MAGI2: variants seen among roughly 807,000 people sequenced by gnomAD.
MAGI2 encodes the protein membrane associated guanylate kinase, WW and PDZ domain containing 2, also known as membrane-associated guanylate kinase, WW and PDZ domain-containing protein 2.
MAGI2 carries 35 observed loss-of-function variants against 133.3 expected under a neutral mutation model. That is an observed-to-expected ratio of 0.26 (90% CI 0.20 to 0.35). The LOEUF is 0.35. MAGI2 is among the 10% of genes least tolerant of loss of function. The pLI, the probability that MAGI2 is intolerant of heterozygous loss-of-function variation, is 1.00. For synonymous variants in MAGI2, 729 were observed against 710.6 expected (o/e 1.03, Z -0.41); for missense variants, 1,636 against 1,863.4 (o/e 0.88, Z 2.25).
At chr7:79,073,010 G>C (rs1815129622) in intron 1 of MAGI2, among the ~76,000 whole-genome samples, 1 of 151,908 alleles carries the variant, frequency 6.6e-6, no homozygotes, top group Admixed American at 6.6e-5. Context: ...TTTTCTGTAG[G>C]AGAGTCAAAA....
chr7:78,834,387 C>G (rs886811796), intron 2 of MAGI2, among the ~76,000 whole-genome samples: 7 of 152,190 alleles, frequency 4.6e-5, no homozygotes, highest in Admixed American at 1.3e-4. Flanking sequence ...TATGCAACTA[C>G]TAAGCCACTT....
At chr7:78,039,787 G>T (rs947610040) in intron 21 of MAGI2, among the ~76,000 whole-genome samples, 5 of 152,222 alleles carry the variant, frequency 3.3e-5, no homozygotes, top group Non-Finnish European at 7.3e-5. Context: ...GTTGACAAAG[G>T]GTAGAGTGAT....
At chr7:78,566,129 A>C (rs1800918231) in intron 3 of MAGI2, among the ~76,000 whole-genome samples, 1 of 152,190 alleles carries the variant, frequency 6.6e-6, no homozygotes, top group Non-Finnish European at 1.5e-5. Context: ...CGTTGATGAC[A>C]TCTCTTGGAA....
intron 2 of MAGI2, among the ~76,000 whole-genome samples, chr7:78,698,533 G>C (rs544157812): frequency 6.6e-6 from 1 of 151,978 alleles, no homozygotes; most frequent in Non-Finnish European, 1.5e-5. Flanking sequence ...CTTATGTGTC[G>C]GTACGTTTAA....
intron 3 of MAGI2, among the ~76,000 whole-genome samples, chr7:78,527,708 C>G (rs1024455713): frequency 1.3e-5 from 2 of 152,090 alleles, no homozygotes; most frequent in Non-Finnish European, 2.9e-5. Context: ...ACTTCCAACA[C>G]CTTTTTTCTT....
chr7:79,443,595 C>G (rs1358530518), intron 1 of MAGI2, among the ~76,000 whole-genome samples: 1 of 152,076 alleles, frequency 6.6e-6, no homozygotes. Context: ...ACAAAATACT[C>G]ATATAAGCAA....
At chr7:78,740,801 A>G (rs1456986078) in intron 2 of MAGI2, among the ~76,000 whole-genome samples, 1 of 152,238 alleles carries the variant, frequency 6.6e-6, no homozygotes, top group Non-Finnish European at 1.5e-5. Context: ...GGATATGTGA[A>G]AGCAAACAAA....
intron 1 of MAGI2, among the ~76,000 whole-genome samples, chr7:79,240,654 A>C (rs1218153174): frequency 6.6e-6 from 1 of 152,208 alleles, no homozygotes; most frequent in Non-Finnish European, 1.5e-5. Flanking sequence ...CTTCCAACTT[A>C]TGATTTCAAG....
At chr7:78,608,459 A>ATG (rs10649002) in intron 3 of MAGI2, among the ~76,000 whole-genome samples, 271 of 147,188 alleles carry the variant, frequency 1.8e-3, no homozygotes, top group African/African-American at 6.2e-3. Context: ...GTATATATAT[A>ATG]TGTGTGTGTA....
chr7:78,299,447 C>T (rs1390571685), intron 9 of MAGI2, among the ~76,000 whole-genome samples: 1 of 150,704 alleles, frequency 6.6e-6, no homozygotes, highest in African/African-American at 2.4e-5. Flanking sequence ...GCTTATGATA[C>T]AAAGCTTAGT....
chr7:78,310,230 A>G (rs994739012), intron 9 of MAGI2, among the ~76,000 whole-genome samples: 1 of 151,764 alleles, frequency 6.6e-6, no homozygotes, highest in African/African-American at 2.4e-5. Flanking sequence ...AGGTCAAGAG[A>G]TCGAGATCAT....
At chr7:78,355,298 G>A (rs1445520743) in intron 7 of MAGI2, among the ~76,000 whole-genome samples, 3 of 152,168 alleles carry the variant, frequency 2.0e-5, no homozygotes, top group African/African-American at 7.2e-5. Context: ...TATTTCTGAA[G>A]AAAATTCCAT....
chr7:78,659,318 G>C (rs1392039450), intron 2 of MAGI2, among the ~76,000 whole-genome samples: 2 of 149,782 alleles, frequency 1.3e-5, no homozygotes, highest in Non-Finnish European at 3.0e-5. Flanking sequence ...GGGTGTGGTG[G>C]TGTGCACTTG....
chr7:78,857,441 T>C (rs560348482), intron 2 of MAGI2, among the ~76,000 whole-genome samples: 18 of 152,204 alleles, frequency 1.2e-4, no homozygotes, highest in Non-Finnish European at 2.2e-4. Context: ...ATACCTAATT[T>C]ATTGAGAGTT....
At chr7:78,352,317 G>T (rs1791603270) in intron 7 of MAGI2, among the ~76,000 whole-genome samples, 1 of 152,134 alleles carries the variant, frequency 6.6e-6, no homozygotes, top group South Asian at 2.1e-4. Flanking sequence ...TTGAAATGCT[G>T]AATTTTAGAA....
chr7:78,065,296 G>A (rs1813700937), intron 21 of MAGI2, among the ~76,000 whole-genome samples: 1 of 152,188 alleles, frequency 6.6e-6, no homozygotes, highest in Non-Finnish European at 1.5e-5. Context: ...TATGTGGGGT[G>A]GAACGCGGCC....
At position 79,209,835 on chromosome 7, in the gene MAGI2, C is replaced by G. The variant is rs1312152484; in HGVS notation, c.302-202629G>C. 2.6e-5 allele frequency among the ~76,000 whole-genome samples: 4 copies of G among 152,050 alleles called. No individual in the cohort carries two copies. The East Asian group carries it at 5.8e-4, about 22-fold the overall frequency. On this transcript the variant is annotated intron_variant, in intron 1 of 21. Coordinates refer to ENST00000354212, the MANE Select transcript of MAGI2 (RefSeq NM_012301.4). The stretch of plus-strand genomic sequence containing the variant: ...CTCTATAAGACTGTTAGCCTTTTGA[C>G]TTCATGAACTATGTCAGATTCATTC...
At position 78,684,819 on chromosome 7, in the gene MAGI2, T is replaced by C. The variant is rs144298632; in HGVS notation, c.419-57580A>G. On this transcript the variant is annotated intron_variant, in intron 2 of 21. Transcript: ENST00000354212. ...ACTAACATTCACTATGTTCCACACG[T>C]ATACAAAATTATTCAGAAATTCTAC... Among the ~76,000 whole-genome samples, 615 of 152,314 alleles carry C rather than the reference T, an allele frequency of 4.0e-3. 4 individuals carry two copies. The highest frequency in any genetic ancestry group is 0.014 in the African/African-American group (581 of 41,576).
intron 6 of MAGI2, among the ~76,000 whole-genome samples, chr7:78,481,461 C>T (rs1026180119): frequency 1.4e-4 from 22 of 151,868 alleles, no homozygotes; most frequent in South Asian, 8.3e-4. Flanking sequence ...GTCCTTCCCT[C>T]GACACATGGG....
Sources: gnomAD v4.1 joint callset for allele counts (sites outside exome capture counted in the v4.1 genomes callset) on GRCh38, gnomAD v4.1.1 for gene constraint, MANE v1.5 for transcripts, NCBI Gene and HGNC (gene_info 2026-07-23, HGNC 2026-07-21) for gene names.